The following LMNA variants were observed in gnomAD, a reference collection of about 807,000 sequenced individuals.
LMNA encodes lamin.
LMNA carries 20 observed loss-of-function variants against 70.4 expected under a neutral mutation model. The ratio of observed to expected loss-of-function variants is 0.28; its 90% CI spans 0.20 to 0.41. LMNA has a LOEUF of 0.41. LMNA is among the 10% of genes least tolerant of loss of function. The probability of loss-of-function intolerance (pLI) is 1.00; values close to 1 mark genes in which losing one functional copy is unlikely to be tolerated. For synonymous variants in LMNA, 339 were observed against 372.8 expected, an observed-to-expected ratio of 0.91 and a Z score of 1.04; for missense variants, 652 against 917.2, an observed-to-expected ratio of 0.71 and a Z score of 3.73.
chr1:156,133,308 C>T (rs1651242395), intron 2 of LMNA, among the ~76,000 whole-genome samples: 1 of 151,996 alleles, frequency 6.6e-6, no homozygotes, highest in Admixed American at 6.5e-5. Context: ...TGTGGTGGCT[C>T]ACGCCTGTAA....
At chr1:156,087,884 T>C (rs1648540508) in intron 2 of LMNA, among the ~76,000 whole-genome samples, 1 of 151,708 alleles carries the variant, frequency 6.6e-6, no homozygotes, top group Admixed American at 6.6e-5. Context: ...CTTTCTTTTT[T>C]TTTTTTGAGA....
chr1:156,127,695 T>C (rs1016246573), intron 1 of LMNA, among the ~76,000 whole-genome samples: 124 of 150,618 alleles, frequency 8.2e-4, no homozygotes, highest in African/African-American at 2.1e-3. Flanking sequence ...AATTTTTTTT[T>C]TTTTTTTTTG....
intron 3 of LMNA, among the ~76,000 whole-genome samples, chr1:156,101,643 G>C (rs1649144301): frequency 7.7e-6 from 1 of 129,248 alleles, no homozygotes; most frequent in Non-Finnish European, 1.7e-5. Context: ...AGGAAGGGAG[G>C]GAGGGAGGGA....
At chr1:156,132,837 C>CTT (rs34451254) in intron 2 of LMNA, among the ~76,000 whole-genome samples, 55 of 93,040 alleles carry the variant, frequency 5.9e-4, no homozygotes, top group Non-Finnish European at 7.1e-4. Flanking sequence ...CTCTCTCTCT[C>CTT]TTTTTTTTTT....
chr1:156,110,002 C>A (rs997385719), upstream of LMNA, among the ~76,000 whole-genome samples: 1 of 151,950 alleles, frequency 6.6e-6, no homozygotes. Context: ...CATGTGCCAC[C>A]ACCCCCAGCT....
rs1651268955 is a variant in LMNA, at chr1:156,133,593, A to T, written c.514-810A>T. On this transcript the variant is annotated intron_variant, in intron 2 of 11. Coordinates refer to ENST00000368300, the MANE Select transcript of LMNA (RefSeq NM_170707.4). ...CTCAAAAAAAAAATAAAAATAAAAA[A>T]AAGAAAATCTAAGCGTGGTGCTCCC... 2.6e-5 allele frequency among the ~76,000 whole-genome samples: 4 copies of T among 151,978 alleles called. No individual in the cohort carries two copies. In the South Asian group the frequency reaches 8.3e-4, roughly 31 times the overall value.
rs1651755036 is a variant in LMNA at position 156,137,417 on chromosome 1, G to A, written c.1608+185G>A. 2 of 827,578 alleles carry A rather than the reference G, an allele frequency of 2.4e-6. No homozygotes were observed. Among genetic ancestry groups the A allele is most frequent in the Admixed American group, 4.2e-5 (2 of 47,896 alleles). The allele number at this position is 827,578 out of a possible 1,614,324, so 51.3% of individuals were successfully genotyped here. A position where few individuals can be genotyped will look rare whatever the true frequency, so the allele number is the denominator to read the frequency against. On this transcript the variant is annotated intron_variant, in intron 9 of 11. Coordinates refer to ENST00000368300, the MANE Select transcript of LMNA (RefSeq NM_170707.4). The surrounding 1 kb of genome is among the most constrained non-coding windows in gnomAD (Gnocchi z 4.6). ...ATGCTTCCTCAACAGCACAAGGGGT[G>A]GAAGTTAGACAGTGAGGATTGTTAA...
rs1394394575 is a variant in LMNA, at chr1:156,136,965, T to C, written c.1425T>C (p.Asp475=). The change falls in exon 8 of 12, where the codon GAT becomes GAC. Residue 475 remains aspartate (D), a synonymous_variant. Coordinates refer to ENST00000368300, the MANE Select transcript of LMNA (RefSeq NM_170707.4). This position sits in a 1 kb window ranked among gnomAD's most constrained non-coding sequence, Gnocchi z 6.1. ...GGCAGATCAAGCGCCAGAATGGAGA[T>C]GATCCCTTGCTGACTTACCGGTTCC... The part of the protein sequence containing the change: ...GNWQIKRQNG[D]DPLLTYRFPP... 3 of 1,614,174 alleles carry C rather than the reference T, an allele frequency of 1.9e-6. No homozygotes were observed. The highest frequency in any genetic ancestry group is 2.5e-6 in the Non-Finnish European group (3 of 1,180,018).
rs186212550 is a variant in LMNA, at chr1:156,095,653, G to T, written c.-207+5071G>T. Among the ~76,000 whole-genome samples, 14 of 152,186 alleles carry T rather than the reference G, an allele frequency of 9.2e-5. No individual in the cohort carries two copies. The East Asian group carries it at 2.7e-3, about 29-fold the overall frequency. On this transcript the variant is annotated intron_variant, in intron 3 of 12. Transcript: ENST00000368301. ...ATTACAGGCGTGAGCCACTGCGCCC[G>T]GTGTCCAAGACACTTCTAACGCCAA...
Position 156,135,835 on chromosome 1 carries a change from C to T in LMNA, c.937-66C>T. On this transcript the variant is annotated intron_variant, in intron 5 of 11. Coordinates refer to ENST00000368300, the MANE Select transcript of LMNA (RefSeq NM_170707.4). This position sits in a 1 kb window ranked among gnomAD's most constrained non-coding sequence, Gnocchi z 4.8. Reference sequence around the variant, plus strand: ...GTAGCCAGGTGTCTCCTACACCGACCCACGTCCCTCCTTCCCCATACTTAG... The same window carrying T: ...GTAGCCAGGTGTCTCCTACACCGACTCACGTCCCTCCTTCCCCATACTTAG... 1.4e-6 allele frequency: 2 copies of T among 1,403,186 alleles called. No individual in the cohort carries two copies. The highest frequency in any genetic ancestry group is 2.0e-6 in the Non-Finnish European group (2 of 1,002,908). 86.9% of individuals were successfully genotyped at this position (1,403,186 alleles called of 1,614,324 possible).
chr1:156,126,476 C>A, intron 1 of LMNA: 2 of 644,380 alleles, frequency 3.1e-6, no homozygotes, highest in South Asian at 3.5e-5. Flanking sequence ...TTGGGCTGAG[C>A]AGGGTGACTC....
At chr1:156,100,510 CAGT>C (rs996782553) in intron 3 of LMNA, among the ~76,000 whole-genome samples, 3 of 152,050 alleles carry the variant, frequency 2.0e-5, no homozygotes, top group Admixed American at 6.6e-5. Context: ...GCTCTCTAAA[CAGT>C]AGCTCTCCTT....
chr1:156,118,790 C>T (rs563266237), intron 1 of LMNA, among the ~76,000 whole-genome samples: 1 of 152,298 alleles, frequency 6.6e-6, no homozygotes, highest in South Asian at 2.1e-4. Context: ...GCTCAGAGTT[C>T]AGGGCCAGAT....
chr1:156,104,092 G>C (rs1434039154), intron 3 of LMNA, among the ~76,000 whole-genome samples: 1 of 152,352 alleles, frequency 6.6e-6, no homozygotes, highest in East Asian at 1.9e-4. Context: ...CCAGAGTAGA[G>C]GGAAGGCCTG....
At chr1:156,126,726 C>A in intron 1 of LMNA, 2 of 1,559,470 alleles carry the variant, frequency 1.3e-6, no homozygotes, top group Non-Finnish European at 1.7e-6. Flanking sequence ...TTCCCTCTTT[C>A]TGAGATCAGA....
At position 156,138,969 on chromosome 1, in the gene LMNA, C is replaced by A; in HGVS notation, c.1969-111C>A. The A allele has an allele frequency of 7.3e-7, 1 of 1,364,522 alleles. No individual in the cohort carries two copies. The highest frequency in any genetic ancestry group is 1.0e-6 in the Non-Finnish European group (1 of 956,018). The allele number at this position is 1,364,522 out of a possible 1,614,324, so 84.5% of individuals were successfully genotyped here. On this transcript the variant is annotated intron_variant, in intron 11 of 11. Transcript: ENST00000368300. The surrounding 1 kb of genome is among the most constrained non-coding windows in gnomAD (Gnocchi z 5.5). ...CCCAGACTGGAGGGCAGGGGCAGGG[C>A]TGGAGTGTGAGGGATGGGGGAGATG...
intron 1 of LMNA, among the ~76,000 whole-genome samples, chr1:156,121,456 A>G (rs1471822942): frequency 2.0e-5 from 3 of 152,038 alleles, no homozygotes; most frequent in Non-Finnish European, 2.9e-5. Context: ...AGGACCCCCT[A>G]TTGCCTTCCC....
At position 156,137,990 on chromosome 1, in the gene LMNA, G is replaced by A. The variant is rs1228931809; in HGVS notation, c.1698+247G>A. ...TTCTGATGCCATGGAATATTCCTGT[G>A]GGAGCAGTGGACAAGGGTCTGGATT... On this transcript the variant is annotated intron_variant, in intron 10 of 11. Coordinates refer to ENST00000368300, the MANE Select transcript of LMNA (RefSeq NM_170707.4). This position sits in a 1 kb window ranked among gnomAD's most constrained non-coding sequence, Gnocchi z 4.6. The A allele has an allele frequency of 4.0e-6, 3 of 748,834 alleles. No individual in the cohort carries two copies. Among genetic ancestry groups the A allele is most frequent in the Non-Finnish European group, 6.3e-6 (3 of 476,096 alleles). The allele number at this position is 748,834 out of a possible 1,614,324, so 46.4% of individuals were successfully genotyped here. A position where few individuals can be genotyped will look rare whatever the true frequency, so the allele number is the denominator to read the frequency against.
intron 1 of LMNA, among the ~76,000 whole-genome samples, chr1:156,127,568 T>G (rs1650703446): frequency 1.4e-5 from 2 of 144,400 alleles, no homozygotes; most frequent in African/African-American, 5.3e-5. Flanking sequence ...ACCCATGCTG[T>G]AGTGCAGTGG....
Sources: gnomAD v4.1 joint callset for allele counts (sites outside exome capture counted in the v4.1 genomes callset) on GRCh38, gnomAD v4.1.1 for gene constraint, Gnocchi (gnomAD v3.1) non-coding constraint, MANE v1.5 for transcripts, NCBI Gene and HGNC (gene_info 2026-07-23, HGNC 2026-07-21) for gene names.